Variants in RAB40B observed in about 807,000 individuals in gnomAD.
RAB40B encodes ras-related protein Rab-40B.
A neutral mutation model predicts 24.0 loss-of-function variants in RAB40B; 21 were observed. The observed-to-expected ratio is 0.88, with a 90% CI of 0.62 to 1.26. RAB40B has a LOEUF of 1.26. Among genes scored for constraint, RAB40B ranks in the 50% most tolerant of loss-of-function variants. RAB40B has a pLI of 0.00. For synonymous variants in RAB40B, 167 were observed against 169.8 expected, an observed-to-expected ratio of 0.98 and a Z score of 0.13; for missense variants, 348 against 390.5, an observed-to-expected ratio of 0.89 and a Z score of 0.92.
At chr17:82,682,142 C>A (rs1423481995) in intron 1 of RAB40B, among the ~76,000 whole-genome samples, 1 of 151,426 alleles carries the variant, frequency 6.6e-6, no homozygotes, top group Non-Finnish European at 1.5e-5. Flanking sequence ...CACACACAGG[C>A]ACGCATGCAC....
intron 1 of RAB40B, among the ~76,000 whole-genome samples, chr17:82,691,720 C>A (rs577853182): frequency 6.6e-6 from 1 of 152,158 alleles, no homozygotes. Flanking sequence ...AGGCAGAAAA[C>A]TCAGCACTCA....
At chr17:82,684,271 G>A (rs2090693372) in intron 1 of RAB40B, among the ~76,000 whole-genome samples, 1 of 151,224 alleles carries the variant, frequency 6.6e-6, no homozygotes, top group Non-Finnish European at 1.5e-5. Context: ...ACCCATGAGT[G>A]GCTAACATTT....
In RAB40B at chr17:82,667,694, C is replaced by A. The variant is rs113212944; in HGVS notation, c.143-3138G>T. On this transcript the variant is annotated intron_variant, in intron 1 of 5. Coordinates refer to ENST00000571995, the MANE Select transcript of RAB40B (RefSeq NM_006822.3). The surrounding 1 kb of genome is among the most constrained non-coding windows in gnomAD (Gnocchi z 4.3). ...ACCAGGTAGATTAGACCAAGCAACA[C>A]CAGAGCAAACTCCCCCCGTCAGAGG... 5.3e-3 allele frequency among the ~76,000 whole-genome samples: 810 copies of A among 152,264 alleles called. 7 individuals are homozygous for A. The highest frequency in any genetic ancestry group is 0.018 in the African/African-American group (767 of 41,550).
intron 3 of RAB40B, 123 bp from the exon 4 acceptor site, chr17:82,659,780 G>T: frequency 1.3e-6 from 1 of 744,626 alleles, no homozygotes; most frequent in South Asian, 1.7e-5. Flanking sequence ...ACATAATTTT[G>T]ATTTATCAAC....
intron 1 of RAB40B, among the ~76,000 whole-genome samples, chr17:82,665,946 G>C: frequency 6.6e-6 from 1 of 151,074 alleles, no homozygotes; most frequent in East Asian, 1.9e-4. Flanking sequence ...TTTGAGACAG[G>C]GTCTCCCCCT....
At chr17:82,696,865 A>T (rs1211608162) in intron 1 of RAB40B, 1 of 153,870 alleles carries the variant, frequency 6.5e-6, no homozygotes, top group Non-Finnish European at 1.4e-5. Context: ...TAGAAATGTG[A>T]CGAATGGAAG....
chr17:82,664,578 C>G (rs2046230899), intron 1 of RAB40B, 22 bp from the exon 2 acceptor site: 1 of 1,611,672 alleles, frequency 6.2e-7, no homozygotes, highest in Non-Finnish European at 8.5e-7. Context: ...TTAGAGACGG[C>G]TTAGGCCTGA....
chr17:82,660,074 A>G (rs2046143729), intron 3 of RAB40B, among the ~76,000 whole-genome samples: 1 of 151,802 alleles, frequency 6.6e-6, no homozygotes, highest in African/African-American at 2.4e-5. Context: ...CACATGTTGC[A>G]TACACACACG....
chr17:82,658,112 G>A lies in RAB40B; in HGVS notation c.588C>T (p.Cys196=), dbSNP rs754949502. The part of the protein sequence containing the change: ...PSKVLSLQDL[C]CRAVVSCTPV... Reference sequence around the variant, plus strand: ...GCGTGCAGGACACGACCGCCCGGCAGCAGAGGTCTTGCAAGCTCAGCACTT... The same window carrying A: ...GCGTGCAGGACACGACCGCCCGGCAACAGAGGTCTTGCAAGCTCAGCACTT... Residue 196 remains cysteine, a synonymous_variant, in exon 6 of 6, where the codon TGC becomes TGT. Coordinates refer to ENST00000571995, the MANE Select transcript of RAB40B (RefSeq NM_006822.3). 8.7e-6 allele frequency: 14 copies of A among 1,614,010 alleles called. No individual in the cohort carries two copies. In the Admixed American group the frequency reaches 2.3e-4, roughly 27 times the overall value.
intron 1 of RAB40B, among the ~76,000 whole-genome samples, chr17:82,665,478 G>A (rs1426973665): frequency 6.6e-6 from 1 of 152,014 alleles, no homozygotes; most frequent in African/African-American, 2.4e-5. Flanking sequence ...GGTCTCAAAC[G>A]CCTAAGTTCA....
chr17:82,660,593 C>A (rs62079722), intron 3 of RAB40B, among the ~76,000 whole-genome samples: 36,915 of 151,250 alleles, frequency 0.24, 5,157 homozygotes, highest in African/African-American at 0.39. Flanking sequence ...CCCAGATGCA[C>A]ACATACACTG....
intron 1 of RAB40B, among the ~76,000 whole-genome samples, chr17:82,683,481 C>T (rs1198180145): frequency 6.6e-6 from 1 of 152,074 alleles, no homozygotes; most frequent in Non-Finnish European, 1.5e-5. Flanking sequence ...ATAAACAATT[C>T]AGGTTTTTCA....
chr17:82,660,318 ACT>A (rs1373209307), intron 3 of RAB40B, among the ~76,000 whole-genome samples: 11 of 151,454 alleles, frequency 7.3e-5, no homozygotes, highest in Middle Eastern at 6.9e-3. Context: ...TCATGCACAG[ACT>A]CATACACAGG....
chr17:82,691,185 A>G (rs2046554101), intron 1 of RAB40B, among the ~76,000 whole-genome samples: 1 of 152,200 alleles, frequency 6.6e-6, no homozygotes, highest in African/African-American at 2.4e-5. Flanking sequence ...CCCTCTCAGT[A>G]AGTGAGGGTT....
chr17:82,672,937 T>G (rs1476479866), intron 1 of RAB40B, among the ~76,000 whole-genome samples: 1 of 152,050 alleles, frequency 6.6e-6, no homozygotes, highest in East Asian at 1.9e-4. Context: ...GGCGTGATGG[T>G]TCATGCCTGT....
chr17:82,660,349 G>C (rs572267004), intron 3 of RAB40B, among the ~76,000 whole-genome samples: 1 of 146,752 alleles, frequency 6.8e-6, no homozygotes, highest in East Asian at 2.1e-4. Flanking sequence ...CTGCACGCAC[G>C]TGTACACACA....
chr17:82,659,795 T>A (rs566504675), intron 3 of RAB40B, 138 bp from the exon 4 acceptor site: 42 of 670,750 alleles, frequency 6.3e-5, no homozygotes, highest in African/African-American at 5.8e-4. Context: ...ATCAACTGAA[T>A]GTAGCAGTTT....
chr17:82,672,303 C>T (rs62079752), intron 1 of RAB40B, among the ~76,000 whole-genome samples: 52,498 of 58,500 alleles, frequency 0.9, 23,708 homozygotes, highest in African/African-American at 0.91. Flanking sequence ...TCACACGCTC[C>T]CTGTACTGAC....
chr17:82,669,171 C>G (rs900751590), intron 1 of RAB40B, among the ~76,000 whole-genome samples: 7 of 151,140 alleles, frequency 4.6e-5, no homozygotes, highest in South Asian at 4.2e-4. Context: ...GACCTCATCT[C>G]TACAAAAAAT....
Sources: gnomAD v4.1 joint callset for allele counts (sites outside exome capture counted in the v4.1 genomes callset) on GRCh38, gnomAD v4.1.1 for gene constraint, Gnocchi (gnomAD v3.1) non-coding constraint, MANE v1.5 for transcripts, NCBI Gene and HGNC (gene_info 2026-07-23, HGNC 2026-07-21) for gene names.